GUCY1A2: variants seen among roughly 807,000 people sequenced by gnomAD.
GUCY1A2 encodes guanylate cyclase 1 soluble subunit alpha 2.
In GUCY1A2, 27 loss-of-function variants were observed where a neutral mutation model predicts 63.5. The observed-to-expected ratio is 0.43, with a 90% confidence interval of 0.31 to 0.59. The LOEUF (loss-of-function observed/expected upper bound fraction) is 0.59. GUCY1A2 is among the 20% of genes least tolerant of loss of function. GUCY1A2 has a pLI of 0.11. For synonymous variants in GUCY1A2, 364 were observed against 343.5 expected (o/e 1.06, Z -0.66); for missense variants, 768 against 913.3 (o/e 0.84, Z 2.05).
intron 3 of GUCY1A2, among the ~76,000 whole-genome samples, chr11:106,948,694 A>G (rs576939717): frequency 2.6e-5 from 4 of 152,324 alleles, no homozygotes; most frequent in South Asian, 4.1e-4. Context: ...AATAACCAGT[A>G]AACACATTGC....
intron 3 of GUCY1A2, among the ~76,000 whole-genome samples, chr11:106,971,142 T>A (rs1598457): frequency 0.91 from 138,689 of 152,042 alleles, 63,323 homozygotes; most frequent in African/African-American, 0.94. Context: ...ATAATGGCAG[T>A]TATATGACAT....
At position 106,908,350 on chromosome 11, in the gene GUCY1A2, TG is replaced by T. The variant is rs143556270; in HGVS notation, c.1206+31109del. On this transcript the variant is annotated intron_variant, in intron 4 of 7. Transcript: ENST00000526355. The stretch of plus-strand genomic sequence containing the variant: ...TATTCTGAAGAACTCAACAAACATA[TG>T]AAATTTATGTAGAATAGAGATCTTT... 7.4e-3 allele frequency among the ~76,000 whole-genome samples: 1,121 copies of T among 152,032 alleles called. 19 individuals are homozygous for T. The highest frequency in any genetic ancestry group is 0.026 in the African/African-American group (1,070 of 41,500).
intron 5 of GUCY1A2, among the ~76,000 whole-genome samples, chr11:106,784,756 C>T (rs192675014): frequency 9.9e-5 from 15 of 152,050 alleles, no homozygotes; most frequent in East Asian, 7.7e-4. Flanking sequence ...TTTTATGATG[C>T]GAAAGATTAA....
intron 1 of GUCY1A2, among the ~76,000 whole-genome samples, chr11:106,996,376 A>C (rs1383676482): frequency 6.6e-6 from 1 of 152,170 alleles, no homozygotes; most frequent in East Asian, 1.9e-4. Flanking sequence ...CTTAACTAAA[A>C]ATGAGTCTTA....
intron 3 of GUCY1A2, among the ~76,000 whole-genome samples, chr11:106,967,085 G>A (rs1327678807): frequency 6.6e-6 from 1 of 152,130 alleles, no homozygotes; most frequent in African/African-American, 2.4e-5. Flanking sequence ...TGGCAATTGG[G>A]TATTTTCAGT....
intron 5 of GUCY1A2, among the ~76,000 whole-genome samples, chr11:106,779,806 T>A (rs1408531860): frequency 6.6e-6 from 1 of 152,206 alleles, no homozygotes; most frequent in Non-Finnish European, 1.5e-5. Context: ...TACCAACTGA[T>A]ACATAAATGA....
At chr11:106,818,269 C>G (rs1257481319) in intron 4 of GUCY1A2, among the ~76,000 whole-genome samples, 1 of 152,094 alleles carries the variant, frequency 6.6e-6, no homozygotes, top group Non-Finnish European at 1.5e-5. Flanking sequence ...ATCATATGCT[C>G]ATCTCATGTC....
intron 3 of GUCY1A2, among the ~76,000 whole-genome samples, chr11:106,973,753 T>G (rs1289077762): frequency 6.6e-6 from 1 of 152,090 alleles, no homozygotes; most frequent in African/African-American, 2.4e-5. Flanking sequence ...TAGTTAACCT[T>G]GCAAAGTATC....
chr11:106,931,240 G>A (rs1297140582), intron 4 of GUCY1A2, among the ~76,000 whole-genome samples: 1 of 152,058 alleles, frequency 6.6e-6, no homozygotes, highest in African/African-American at 2.4e-5. Flanking sequence ...TTACACCAAT[G>A]ACTAAAAAGT....
intron 4 of GUCY1A2, among the ~76,000 whole-genome samples, chr11:106,910,566 C>T (rs7103285): frequency 3.3e-5 from 5 of 151,878 alleles, no homozygotes; most frequent in Non-Finnish European, 5.9e-5. Flanking sequence ...AATTCATTCC[C>T]CGCTTCTTTC....
intron 1 of GUCY1A2, among the ~76,000 whole-genome samples, chr11:107,016,666 G>T (rs1403005110): frequency 2.0e-5 from 3 of 152,236 alleles, no homozygotes. Context: ...AAGCACTAGA[G>T]AATCAATTGA....
intron 4 of GUCY1A2, among the ~76,000 whole-genome samples, chr11:106,861,692 C>G (rs1859515018): frequency 6.6e-6 from 1 of 151,936 alleles, no homozygotes; most frequent in African/African-American, 2.4e-5. Flanking sequence ...ATTACGTACT[C>G]AAGCTTACAA....
intron 6 of GUCY1A2, among the ~76,000 whole-genome samples, chr11:106,730,768 G>C (rs913594814): frequency 6.6e-6 from 1 of 151,872 alleles, no homozygotes; most frequent in Non-Finnish European, 1.5e-5. Flanking sequence ...CCACAACCTC[G>C]CCAGTAGCTG....
At position 106,829,089 on chromosome 11, in the gene GUCY1A2, C is replaced by T. The variant is rs769073132; in HGVS notation, c.1207-18611G>A. Among the ~76,000 whole-genome samples, 5 of 152,120 alleles carry T rather than the reference C, an allele frequency of 3.3e-5. No homozygotes were observed. The South Asian group carries it at 6.2e-4, about 19-fold the overall frequency. On this transcript the variant is annotated intron_variant, in intron 4 of 7. Coordinates refer to ENST00000526355, the MANE Select transcript of GUCY1A2 (RefSeq NM_000855.3). The stretch of plus-strand genomic sequence containing the variant: ...CCTTAATATTTGCCAAGAGTCTGCT[C>T]GACGAACAAAGTCAATCTGTGACTC...
rs751934203 is a variant in GUCY1A2 at position 106,894,859 on chromosome 11, G to GA, written c.1206+44600dup. Among the ~76,000 whole-genome samples, 4 of 151,872 alleles carry GA rather than the reference G, an allele frequency of 2.6e-5. No homozygotes were observed. The South Asian group carries it at 8.3e-4, about 32-fold the overall frequency. On this transcript the variant is annotated intron_variant, in intron 4 of 7. Transcript: ENST00000526355. ...TCACTTTAGAAAGCTACAAAAAGAA[G>GA]AAAAAATTAAATCCAAAGTCGGCCT...
chr11:106,980,551 C>A (rs1263285435), intron 2 of GUCY1A2, among the ~76,000 whole-genome samples: 1 of 152,200 alleles, frequency 6.6e-6, no homozygotes, highest in African/African-American at 2.4e-5. Context: ...TTCCAAGTCT[C>A]TTAGGCCAAG....
intron 4 of GUCY1A2, among the ~76,000 whole-genome samples, chr11:106,925,009 A>C (rs1860502774): frequency 6.6e-6 from 1 of 152,144 alleles, no homozygotes; most frequent in Non-Finnish European, 1.5e-5. Flanking sequence ...CCTGTCTCAA[A>C]AAAACAAAAC....
At chr11:106,912,298 C>T (rs572053790) in intron 4 of GUCY1A2, among the ~76,000 whole-genome samples, 1 of 152,052 alleles carries the variant, frequency 6.6e-6, no homozygotes, top group Admixed American at 6.6e-5. Flanking sequence ...AGAATTCTGC[C>T]TGCCACTTAA....
rs1862491894 is a variant in GUCY1A2, at chr11:106,684,700, T to C, written c.*2849A>G. 2 of 203,542 alleles carry C rather than the reference T, an allele frequency of 9.8e-6. No individual in the cohort carries two copies. Among genetic ancestry groups the C allele is most frequent in the Non-Finnish European group, 2.0e-5 (2 of 99,246 alleles). The allele number at this position is 203,542 out of a possible 1,614,324, so 12.6% of individuals were successfully genotyped here. On this transcript the variant is annotated 3_prime_UTR_variant, in exon 8 of 8. Transcript: ENST00000526355. ...GAGCTATAGGTGCCAAATTATATTTTAAAGTATCCCTTGCAGAGTGGGTTA... is the reference window on the plus strand; with the variant it reads ...GAGCTATAGGTGCCAAATTATATTTCAAAGTATCCCTTGCAGAGTGGGTTA...
Sources: allele counts gnomAD v4.1 joint callset (sites outside exome capture counted in the v4.1 genomes callset), GRCh38; gene constraint gnomAD v4.1.1; transcripts MANE v1.5; gene names NCBI Gene and HGNC (gene_info 2026-07-23, HGNC 2026-07-21).